The following LARGE1 variants were observed in gnomAD, a reference collection of about 807,000 sequenced individuals.
LARGE1 encodes xylosyl- and glucuronyltransferase LARGE1.
A neutral mutation model predicts 87.6 loss-of-function variants in LARGE1; 43 were observed. The observed-to-expected ratio is 0.49, with a 90% CI of 0.38 to 0.63. The LOEUF is 0.63. Among genes scored for constraint, LARGE1 ranks in the 30% least tolerant of loss-of-function variants. The probability of loss-of-function intolerance (pLI) is 0.00; values close to 1 mark genes in which losing one functional copy is unlikely to be tolerated. For synonymous variants in LARGE1, 434 were observed against 394.6 expected, an observed-to-expected ratio of 1.10 and a Z score of -1.18; for missense variants, 802 against 1,000.2, an observed-to-expected ratio of 0.80 and a Z score of 2.67.
At chr22:33,837,633 A>G (rs916300783) in intron 1 of LARGE1, among the ~76,000 whole-genome samples, 2 of 152,240 alleles carry the variant, frequency 1.3e-5, no homozygotes, top group African/African-American at 4.8e-5. Flanking sequence ...ATCTGAGTCC[A>G]TGAGGCATCT....
intron 7 of LARGE1, among the ~76,000 whole-genome samples, chr22:33,428,593 G>T (rs1194719376): frequency 1.4e-5 from 2 of 141,252 alleles, no homozygotes; most frequent in South Asian, 2.3e-4. Context: ...GATTACAGGC[G>T]TGAGCCACCG....
At chr22:33,810,681 T>C (rs1412680557) in intron 1 of LARGE1, among the ~76,000 whole-genome samples, 1 of 151,962 alleles carries the variant, frequency 6.6e-6, no homozygotes, top group African/African-American at 2.4e-5. Context: ...AGCAGTGCCA[T>C]GAGTAGCCTG....
the LARGE1 span, among the ~76,000 whole-genome samples, chr22:33,113,567 G>A: frequency 1.2e-4 from 18 of 152,288 alleles, no homozygotes; most frequent in South Asian, 3.3e-3. Context: ...TACAACTAAT[G>A]AGCCCAAGAC....
In LARGE1 at chr22:33,369,154, T is replaced by G. The variant is rs570856204; in HGVS notation, c.1131+12765A>C. On this transcript the variant is annotated intron_variant, in intron 9 of 14. Transcript: ENST00000397394. ...AATTGGAGCCAATCTTCTCAAATCC[T>G]GCCCCTGCTTTATCAACTAAGTTTA... 2.9e-4 allele frequency among the ~76,000 whole-genome samples: 44 copies of G among 152,366 alleles called. No homozygotes were observed. The South Asian group carries it at 9.1e-3, about 32-fold the overall frequency.
chr22:33,410,237 G>A (rs117565281), intron 7 of LARGE1, among the ~76,000 whole-genome samples: 1 of 152,134 alleles, frequency 6.6e-6, no homozygotes, highest in Non-Finnish European at 1.5e-5. Context: ...TAGACAGCAC[G>A]ACGTTGTTAT....
intron 6 of LARGE1, among the ~76,000 whole-genome samples, chr22:33,468,548 A>C (rs2068707069): frequency 6.6e-6 from 1 of 152,226 alleles, no homozygotes; most frequent in African/African-American, 2.4e-5. Context: ...ACTTCTGATC[A>C]ATAATTCCTT....
At chr22:33,876,113 T>A (rs1358266903) in intron 1 of LARGE1, among the ~76,000 whole-genome samples, 1 of 152,200 alleles carries the variant, frequency 6.6e-6, no homozygotes, top group Non-Finnish European at 1.5e-5. Context: ...GAATCACTGA[T>A]CTATTCTCTC....
At chr22:33,384,510 T>TA (rs2065260673) in intron 7 of LARGE1, among the ~76,000 whole-genome samples, 1 of 124,918 alleles carries the variant, frequency 8.0e-6, no homozygotes, top group African/African-American at 2.7e-5. Context: ...TGGAGACGAA[T>TA]ACACCTGGGT....
chr22:33,876,505 T>C (rs1249382275), intron 1 of LARGE1, among the ~76,000 whole-genome samples: 1 of 133,988 alleles, frequency 7.5e-6, no homozygotes, highest in Non-Finnish European at 1.7e-5. Context: ...GCTGCTGGTA[T>C]AATATGCTAT....
intron 14 of LARGE1, among the ~76,000 whole-genome samples, chr22:33,275,732 A>G (rs1361036719): frequency 6.6e-6 from 1 of 152,232 alleles, no homozygotes; most frequent in Non-Finnish European, 1.5e-5. Context: ...GAAAATATGC[A>G]ACGTATTTTC....
rs199735924 is a variant in LARGE1, at chr22:33,885,981, GA to G, written c.-83+34013del. Among the ~76,000 whole-genome samples the G allele has an allele frequency of 5.3e-3, 806 of 152,268 alleles. 10 individuals are homozygous for G. The highest frequency in any genetic ancestry group is 0.019 in the African/African-American group (778 of 41,526). ...GGAGGCAGAGATTGCAGTGAGCCGA[GA>G]TCATGCCGTGGCACTGCAGCCTGGG... On this transcript the variant is annotated intron_variant, in intron 1 of 14. Coordinates refer to ENST00000397394, the MANE Select transcript of LARGE1 (RefSeq NM_133642.5).
intron 12 of LARGE1, among the ~76,000 whole-genome samples, chr22:33,284,709 C>A (rs1240888962): frequency 6.6e-6 from 1 of 152,148 alleles, no homozygotes; most frequent in Non-Finnish European, 1.5e-5. Flanking sequence ...TCCCGAGTAG[C>A]TGGGACTACA....
chr22:33,662,059 A>G (rs904715932), intron 2 of LARGE1, among the ~76,000 whole-genome samples: 1 of 146,194 alleles, frequency 6.8e-6, no homozygotes, highest in Non-Finnish European at 1.5e-5. Flanking sequence ...CACTAACACT[A>G]AGGACAGCTT....
At chr22:33,898,530 G>A (rs950617025) in intron 1 of LARGE1, among the ~76,000 whole-genome samples, 6 of 152,180 alleles carry the variant, frequency 3.9e-5, no homozygotes, top group Admixed American at 1.3e-4. Flanking sequence ...CGAGGCAGGC[G>A]GATCGCCTGA....
intron 4 of LARGE1, among the ~76,000 whole-genome samples, chr22:33,618,426 G>A (rs1450839148): frequency 6.6e-6 from 1 of 152,178 alleles, no homozygotes; most frequent in Non-Finnish European, 1.5e-5. Context: ...TTCCTCATCT[G>A]TTTATGGGGA....
At chr22:33,845,818 T>C (rs1181245337) in intron 1 of LARGE1, among the ~76,000 whole-genome samples, 1 of 152,082 alleles carries the variant, frequency 6.6e-6, no homozygotes, top group Non-Finnish European at 1.5e-5. Flanking sequence ...ACTCCCTTTC[T>C]CCCCGCCCCG....
chr22:33,200,046 A>G (rs188748107), intron 11 of LARGE1, among the ~76,000 whole-genome samples: 1 of 152,000 alleles, frequency 6.6e-6, no homozygotes, highest in Admixed American at 6.6e-5. Flanking sequence ...ATGGGGTTTC[A>G]CCATCTTGGC....
At chr22:33,335,993 G>A (rs146804083) in intron 10 of LARGE1, among the ~76,000 whole-genome samples, 2 of 152,080 alleles carry the variant, frequency 1.3e-5, no homozygotes, top group African/African-American at 4.8e-5. Flanking sequence ...TTTCATCTAC[G>A]AATACTTAGT....
At chr22:33,574,989 CTG>C (rs1384134277) in intron 5 of LARGE1, among the ~76,000 whole-genome samples, 5 of 152,096 alleles carry the variant, frequency 3.3e-5, no homozygotes, top group African/African-American at 1.2e-4. Flanking sequence ...CAGAAGGCAG[CTG>C]AGAGGCATCA....
Sources: allele counts gnomAD v4.1 joint callset (sites outside exome capture counted in the v4.1 genomes callset), GRCh38; gene constraint gnomAD v4.1.1; transcripts MANE v1.5; gene names NCBI Gene and HGNC (gene_info 2026-07-23, HGNC 2026-07-21).